NTN1: variants seen among roughly 807,000 people sequenced by gnomAD.
NTN1 encodes netrin-1.
In NTN1, 11 loss-of-function variants were observed where a neutral mutation model predicts 54.2. That is an observed-to-expected ratio of 0.20 (90% confidence interval 0.13 to 0.34). NTN1 has a LOEUF of 0.34. NTN1 is among the 10% of genes least tolerant of loss of function. NTN1 has a pLI of 1.00. For missense variants in NTN1, 740 were observed against 893.1 expected (o/e 0.83, Z 2.18); for synonymous variants, 371 against 382.0 (o/e 0.97, Z 0.33).
At chr17:9,096,410 G>A (rs371385820) in intron 2 of NTN1, among the ~76,000 whole-genome samples, 32 of 111,068 alleles carry the variant, frequency 2.9e-4, no homozygotes, top group African/African-American at 8.7e-4. Context: ...TTGCTCTGTC[G>A]CCCAGGCTGG....
intron 2 of NTN1, among the ~76,000 whole-genome samples, chr17:9,133,978 C>A (rs1200140536): frequency 3.5e-5 from 5 of 143,828 alleles, no homozygotes; most frequent in Non-Finnish European, 6.0e-5. Context: ...GATCTCAGCT[C>A]ACTGCAACCT....
intron 2 of NTN1, among the ~76,000 whole-genome samples, chr17:9,101,948 C>T (rs1015009872): frequency 1.6e-4 from 24 of 152,200 alleles, no homozygotes; most frequent in African/African-American, 5.8e-4. Context: ...GCTATGATTG[C>T]ACCCATCACT....
chr17:9,208,352 C>T (rs1364444604), intron 5 of NTN1, among the ~76,000 whole-genome samples: 2 of 152,160 alleles, frequency 1.3e-5, no homozygotes, highest in Non-Finnish European at 2.9e-5. Flanking sequence ...TTTGTGGGTT[C>T]GTTGGTCCAG....
At chr17:9,167,329 G>A (rs9901968) in intron 3 of NTN1, among the ~76,000 whole-genome samples, 28,653 of 152,082 alleles carry the variant, frequency 0.19, 2,938 homozygotes, top group African/African-American at 0.25. Context: ...GGGCAAAGAC[G>A]ACCAAAGACG....
chr17:9,048,693 G>C (rs1417747121), intron 2 of NTN1, among the ~76,000 whole-genome samples: 1 of 150,902 alleles, frequency 6.6e-6, no homozygotes, highest in East Asian at 1.9e-4. Context: ...GTCTTGCTCT[G>C]TCACCCAGGC....
chr17:9,068,585 C>G (rs920128202), intron 2 of NTN1, among the ~76,000 whole-genome samples: 1 of 151,752 alleles, frequency 6.6e-6, no homozygotes, highest in Non-Finnish European at 1.5e-5. Flanking sequence ...CTCGGCTCAC[C>G]ACAACCTCTG....
rs1296927571 is a variant in NTN1, at chr17:9,221,109, G to A, written c.1412-59G>A. ...AGGCGGCCTCCTACTCTGCCCGCCA[G>A]CCTATTCATCGCCAGCCTAATTAGT... On this transcript the variant is annotated intron_variant, in intron 5 of 6. Coordinates refer to ENST00000173229, the MANE Select transcript of NTN1 (RefSeq NM_004822.3). The surrounding 1 kb of genome is among the most constrained non-coding windows in gnomAD (Gnocchi z 4.5). 1.6e-6 allele frequency: 2 copies of A among 1,225,688 alleles called. No individual in the cohort carries two copies. The highest frequency in any genetic ancestry group is 3.4e-5 in the Admixed American group (2 of 59,458). The allele number at this position is 1,225,688 out of a possible 1,614,324, so 75.9% of individuals were successfully genotyped here.
Position 9,022,500 on chromosome 17 carries a change from G to T in NTN1, c.127G>T (p.Asp43Tyr). 6.5e-7 allele frequency: 1 copy of T among 1,543,450 alleles called. No individual in the cohort carries two copies. The change falls in exon 2 of 7, where the codon GAC becomes TAC. Residue 43 changes from aspartate (D) to tyrosine (Y), a missense_variant. Transcript: ENST00000173229. ...GQAAQPDPCS[D>Y]ENGHPRRCIP... ...GGCGGCGCAGCCCGATCCCTGCTCGGACGAGAACGGCCACCCGCGCCGCTG... is the reference window on the plus strand; with the variant it reads ...GGCGGCGCAGCCCGATCCCTGCTCGTACGAGAACGGCCACCCGCGCCGCTG...
intron 5 of NTN1, among the ~76,000 whole-genome samples, chr17:9,193,979 T>C (rs1904553401): frequency 7.0e-6 from 1 of 143,478 alleles, no homozygotes; most frequent in South Asian, 2.2e-4. Flanking sequence ...CTCACGCCTG[T>C]AATCCCAGCA....
At chr17:9,084,968 A>G (rs1227757925) in intron 2 of NTN1, among the ~76,000 whole-genome samples, 1 of 152,086 alleles carries the variant, frequency 6.6e-6, no homozygotes, top group Non-Finnish European at 1.5e-5. Context: ...TGCAGTTTCT[A>G]ACACTTTTTT....
intron 6 of NTN1, among the ~76,000 whole-genome samples, chr17:9,226,491 CGTGGGG>C (rs745635138): frequency 0.38 from 33,094 of 87,052 alleles, 5,355 homozygotes; most frequent in East Asian, 0.6. Flanking sequence ...GAGGCGGTCT[CGTGGGG>C]AGGTGGTCTC....
At chr17:9,142,797 A>G (rs1044231804) in intron 2 of NTN1, among the ~76,000 whole-genome samples, 24 of 152,216 alleles carry the variant, frequency 1.6e-4, no homozygotes, top group Admixed American at 2.6e-4. Context: ...ATGAATTAGT[A>G]TATGAAGTAT....
intron 5 of NTN1, among the ~76,000 whole-genome samples, chr17:9,202,868 C>T (rs1176024753): frequency 1.3e-5 from 2 of 151,994 alleles, no homozygotes; most frequent in Admixed American, 6.6e-5. Flanking sequence ...AATGATATTG[C>T]GATATTCTGC....
At chr17:9,182,383 C>G (rs900987007) in intron 4 of NTN1, among the ~76,000 whole-genome samples, 61 of 152,254 alleles carry the variant, frequency 4.0e-4, no homozygotes, top group African/African-American at 1.5e-3. Context: ...TAAGAAAATG[C>G]CTTAGCGCTT....
At chr17:9,047,777 C>T (rs2091945578) in intron 2 of NTN1, among the ~76,000 whole-genome samples, 2 of 151,968 alleles carry the variant, frequency 1.3e-5, no homozygotes, top group Admixed American at 1.3e-4. Context: ...TCACTGCATC[C>T]TCTGCCTCCT....
At chr17:9,159,090 TTAAAG>T (rs1433636206) in intron 2 of NTN1, among the ~76,000 whole-genome samples, 7 of 152,170 alleles carry the variant, frequency 4.6e-5, no homozygotes, top group African/African-American at 1.7e-4. Context: ...AGATCACAAA[TTAAAG>T]TAACATGTGA....
intron 2 of NTN1, among the ~76,000 whole-genome samples, chr17:9,092,829 G>T (rs1371884901): frequency 6.6e-6 from 1 of 151,968 alleles, no homozygotes; most frequent in Non-Finnish European, 1.5e-5. Context: ...TGCAATCTCA[G>T]CTCACTGCAA....
chr17:9,195,774 C>G (rs1396147594), intron 5 of NTN1, among the ~76,000 whole-genome samples: 1 of 152,180 alleles, frequency 6.6e-6, no homozygotes, highest in Non-Finnish European at 1.5e-5. Flanking sequence ...TTCACAGCCA[C>G]TGAACTGGGG....
chr17:9,151,614 C>T (rs1330861253), intron 2 of NTN1, among the ~76,000 whole-genome samples: 1 of 152,084 alleles, frequency 6.6e-6, no homozygotes, highest in Non-Finnish European at 1.5e-5. Context: ...CAAATTGGAC[C>T]CTAAAAACTA....
Sources: gnomAD v4.1 joint callset for allele counts (sites outside exome capture counted in the v4.1 genomes callset) on GRCh38, gnomAD v4.1.1 for gene constraint, Gnocchi (gnomAD v3.1) non-coding constraint, MANE v1.5 for transcripts, NCBI Gene and HGNC (gene_info 2026-07-23, HGNC 2026-07-21) for gene names.